Variants in FBXO28 observed in about 807,000 individuals in gnomAD.
FBXO28 encodes F-box only protein 28.
In FBXO28, 8 loss-of-function variants were observed where a neutral mutation model predicts 38.1. That is an observed-to-expected ratio of 0.21 (90% CI 0.12 to 0.38). The LOEUF is 0.38. Among genes scored for constraint, FBXO28 ranks in the 10% least tolerant of loss-of-function variants. FBXO28 has a pLI of 1.00. For missense variants in FBXO28, 345 were observed against 460.6 expected, an observed-to-expected ratio of 0.75 and a Z score of 2.30; for synonymous variants, 168 against 173.8, an observed-to-expected ratio of 0.97 and a Z score of 0.26.
intron 1 of FBXO28, among the ~76,000 whole-genome samples, chr1:224,119,851 G>T (rs1409392242): frequency 6.6e-6 from 1 of 152,182 alleles, no homozygotes; most frequent in Admixed American, 6.6e-5. Flanking sequence ...CTTGAATTTG[G>T]ATATGTGAAA....
intron 3 of FBXO28, among the ~76,000 whole-genome samples, chr1:224,151,744 T>C (rs892217700): frequency 6.6e-6 from 1 of 152,090 alleles, no homozygotes; most frequent in Non-Finnish European, 1.5e-5. Flanking sequence ...TTGGGGTCTT[T>C]AGAAGTAGGA....
At chr1:224,116,983 G>A (rs999932728) in intron 1 of FBXO28, among the ~76,000 whole-genome samples, 1 of 151,836 alleles carries the variant, frequency 6.6e-6, no homozygotes, top group African/African-American at 2.4e-5. Flanking sequence ...AAGACCAGCT[G>A]GCCAACATGG....
chr1:224,155,313 G>A (rs1456610712), intron 4 of FBXO28, among the ~76,000 whole-genome samples: 2 of 151,920 alleles, frequency 1.3e-5, no homozygotes, highest in Non-Finnish European at 2.9e-5. Context: ...TTACAGGCGT[G>A]TGCCACCACG....
At chr1:224,134,673 A>G (rs1657133783) in intron 3 of FBXO28, among the ~76,000 whole-genome samples, 1 of 152,228 alleles carries the variant, frequency 6.6e-6, no homozygotes, top group Non-Finnish European at 1.5e-5. Context: ...ATTTACCAAT[A>G]TTCCCAGAAC....
At chr1:224,136,128 G>C (rs1392843452) in intron 3 of FBXO28, among the ~76,000 whole-genome samples, 4 of 2,454 alleles carry the variant, frequency 1.6e-3, no homozygotes, top group Admixed American at 0.011. Flanking sequence ...TTTTGAGATG[G>C]TGTCGTGCTG....
At chr1:224,118,743 G>T (rs1353692436) in intron 1 of FBXO28, among the ~76,000 whole-genome samples, 1 of 152,176 alleles carries the variant, frequency 6.6e-6, no homozygotes. Flanking sequence ...TAGGCAAGCT[G>T]TCTTGTATCT....
intron 3 of FBXO28, among the ~76,000 whole-genome samples, chr1:224,135,380 G>C (rs1657150186): frequency 6.6e-6 from 1 of 152,100 alleles, no homozygotes; most frequent in African/African-American, 2.4e-5. Context: ...ACTTCAAAGA[G>C]ATTCAGTCAG....
chr1:224,137,100 A>G (rs762596652), intron 3 of FBXO28, among the ~76,000 whole-genome samples: 1 of 151,806 alleles, frequency 6.6e-6, no homozygotes, highest in Non-Finnish European at 1.5e-5. Flanking sequence ...GTGGTTTTAT[A>G]TAGACTACAT....
chr1:224,135,781 A>G (rs901827920), intron 3 of FBXO28, among the ~76,000 whole-genome samples: 3 of 152,124 alleles, frequency 2.0e-5, no homozygotes, highest in Non-Finnish European at 2.9e-5. Context: ...TCACACCTGT[A>G]ATCCCCACAC....
chr1:224,150,887 T>C (rs1657626949), intron 3 of FBXO28, among the ~76,000 whole-genome samples: 1 of 152,218 alleles, frequency 6.6e-6, no homozygotes. Context: ...AATGATAATC[T>C]TGTCATCCTT....
intron 3 of FBXO28, among the ~76,000 whole-genome samples, chr1:224,146,369 G>A (rs1320237069): frequency 1.3e-5 from 2 of 151,692 alleles, no homozygotes; most frequent in Non-Finnish European, 2.9e-5. Context: ...CAAAAAGACA[G>A]ATGAAAAATG....
chr1:224,117,498 C>T (rs935388879), intron 1 of FBXO28, among the ~76,000 whole-genome samples: 1 of 151,966 alleles, frequency 6.6e-6, no homozygotes, highest in Non-Finnish European at 1.5e-5. Context: ...TATCCTGAGT[C>T]TGGTGGTTTC....
chr1:224,131,851 G>A (rs1217358423), intron 2 of FBXO28, among the ~76,000 whole-genome samples: 1 of 152,142 alleles, frequency 6.6e-6, no homozygotes, highest in Admixed American at 6.6e-5. Context: ...AAAAGACACC[G>A]TTAAGAAAAT....
At chr1:224,138,717 T>C (rs1281853905) in intron 3 of FBXO28, among the ~76,000 whole-genome samples, 2 of 151,756 alleles carry the variant, frequency 1.3e-5, no homozygotes, top group African/African-American at 4.9e-5. Context: ...GGATAGTCTC[T>C]GCTCTTCTTT....
At chr1:224,145,408 A>G (rs952354644) in intron 3 of FBXO28, among the ~76,000 whole-genome samples, 3 of 151,650 alleles carry the variant, frequency 2.0e-5, no homozygotes, top group Admixed American at 6.6e-5. Flanking sequence ...TAATTAGCCT[A>G]TGATAAAATT....
intron 1 of FBXO28, among the ~76,000 whole-genome samples, chr1:224,116,050 T>C (rs1656636674): frequency 6.6e-6 from 1 of 152,206 alleles, no homozygotes; most frequent in Non-Finnish European, 1.5e-5. Context: ...TTTCTGGCCT[T>C]TTAAGGTTAT....
chr1:224,134,836 T>A (rs1172705155), intron 3 of FBXO28, among the ~76,000 whole-genome samples: 4 of 152,234 alleles, frequency 2.6e-5, no homozygotes, highest in Admixed American at 2.6e-4. Flanking sequence ...TGTCTGTATC[T>A]TTTTATATGG....
intron 1 of FBXO28, among the ~76,000 whole-genome samples, chr1:224,119,432 C>A (rs1250440890): frequency 6.6e-6 from 1 of 151,938 alleles, no homozygotes; most frequent in East Asian, 1.9e-4. Flanking sequence ...CCACCGTGCC[C>A]GGCCCCACTG....
Position 224,114,142 on chromosome 1 carries a change from G to A in FBXO28, c.13G>A (p.Ala5Thr). 2 of 1,542,094 alleles carry A rather than the reference G, an allele frequency of 1.3e-6. No homozygotes were observed. Among genetic ancestry groups the A allele is most frequent in the Non-Finnish European group, 1.7e-6 (2 of 1,143,312 alleles). MAAA[A>T]EERMAEEGGG... ...TCAAGCCCCCAAGATGGCGGCAGCG[G>A]CGGAGGAGCGGATGGCAGAGGAAGG... The change falls in exon 1 of 5, where the codon GCG becomes ACG. Residue 5 changes from alanine (A) to threonine (T), a missense_variant. Physicochemically the swap from Ala to Thr is moderately conservative, Grantham distance 58. This residue lies in a region of FBXO28 where 104 missense variants were observed against 82.0 expected (regional missense o/e 1.27). Transcript: ENST00000366862.
Sources: gnomAD v4.1 joint callset for allele counts (sites outside exome capture counted in the v4.1 genomes callset) on GRCh38, gnomAD v4.1.1 for gene constraint, gnomAD v4.1.1 regional missense constraint, MANE v1.5 for transcripts, NCBI Gene and HGNC (gene_info 2026-07-23, HGNC 2026-07-21) for gene names.